DOCK3: variants seen among roughly 807,000 people sequenced by gnomAD.
DOCK3 encodes dedicator of cytokinesis protein 3.
In DOCK3, 60 loss-of-function variants were observed where a neutral mutation model predicts 265.6. That is an observed-to-expected ratio of 0.23 (90% CI 0.18 to 0.28). DOCK3 has a LOEUF of 0.28. Among genes scored for constraint, DOCK3 ranks in the 10% least tolerant of loss-of-function variants. DOCK3 has a pLI of 1.00. For missense variants in DOCK3, 1,981 were observed against 2,594.3 expected (o/e 0.76, Z 5.14); for synonymous variants, 881 against 938.0 (o/e 0.94, Z 1.11).
intron 1 of DOCK3, among the ~76,000 whole-genome samples, chr3:50,775,236 G>C (rs1390627841): frequency 2.6e-5 from 4 of 152,062 alleles, no homozygotes; most frequent in Admixed American, 6.6e-5. Context: ...CACTGATAAA[G>C]TCATCAGGAC....
intron 39 of DOCK3, among the ~76,000 whole-genome samples, 156 bp downstream of exon 39, chr3:51,349,094 A>G (rs558605006): frequency 6.6e-6 from 1 of 152,258 alleles, no homozygotes; most frequent in East Asian, 1.9e-4. Flanking sequence ...TCTGACTAGG[A>G]AACCAAAAAT....
intron 14 of DOCK3, among the ~76,000 whole-genome samples, chr3:51,220,581 C>T (rs923387102): frequency 1.3e-5 from 2 of 149,850 alleles, no homozygotes; most frequent in African/African-American, 2.5e-5. Context: ...CGCTTGAACC[C>T]GGTAGGTGGA....
chr3:51,025,719 C>T (rs1010209163), intron 5 of DOCK3, among the ~76,000 whole-genome samples: 4 of 152,226 alleles, frequency 2.6e-5, no homozygotes, highest in South Asian at 2.1e-4. Context: ...CCCAAGGGCT[C>T]CTGTGAGATA....
chr3:51,288,885 GGTGTGTGTGTGT>G (rs776856235), intron 27 of DOCK3, among the ~76,000 whole-genome samples: 5 of 147,074 alleles, frequency 3.4e-5, no homozygotes, highest in East Asian at 2.0e-4. Flanking sequence ...TGTTTGTGTG[GGTGTGTGTGTGT>G]GTGTGGGTGT....
intron 2 of DOCK3, among the ~76,000 whole-genome samples, chr3:50,816,871 A>G (rs1276777525): frequency 6.6e-6 from 1 of 152,050 alleles, no homozygotes; most frequent in Non-Finnish European, 1.5e-5. Context: ...GCGTGATCAC[A>G]GCTCACTGCA....
chr3:50,959,618 C>T (rs561472173), intron 5 of DOCK3, among the ~76,000 whole-genome samples: 9 of 151,780 alleles, frequency 5.9e-5, no homozygotes, highest in South Asian at 2.1e-4. Flanking sequence ...CTCACTCTGT[C>T]GCCCAGGCTG....
rs148495653 is a variant in DOCK3, at chr3:51,011,871, G to A, written c.316-52577G>A. Among the ~76,000 whole-genome samples the A allele has an allele frequency of 1.6e-3, 246 of 152,254 alleles. 1 individual carries two copies. The highest frequency in any genetic ancestry group is 6.6e-3 in the South Asian group (32 of 4,824). On this transcript the variant is annotated intron_variant, in intron 5 of 52. Transcript: ENST00000266037. ...AGGTTCCTGAGCTGCAGGTCAGTTGGAGTTTGCTGGAGGTCCACTCCAGAT... is the reference window on the plus strand; with the variant it reads ...AGGTTCCTGAGCTGCAGGTCAGTTGAAGTTTGCTGGAGGTCCACTCCAGAT...
intron 22 of DOCK3, among the ~76,000 whole-genome samples, chr3:51,248,328 A>G (rs528515310): frequency 4.6e-4 from 70 of 152,348 alleles, no homozygotes; most frequent in African/African-American, 1.6e-3. Context: ...GAGTGCCTGC[A>G]ATTGCAGGCG....
intron 38 of DOCK3, among the ~76,000 whole-genome samples, chr3:51,345,074 G>A (rs1560473513): frequency 1.3e-5 from 2 of 152,198 alleles, no homozygotes; most frequent in African/African-American, 4.8e-5. Context: ...AGTCTCCCAT[G>A]GATTGGCTCT....
chr3:50,875,479 A>G (rs1575419762), intron 3 of DOCK3, among the ~76,000 whole-genome samples: 2 of 152,112 alleles, frequency 1.3e-5, no homozygotes, highest in African/African-American at 4.8e-5. Flanking sequence ...AATTCCTTCC[A>G]TACCCAGTTT....
intron 49 of DOCK3, among the ~76,000 whole-genome samples, chr3:51,368,901 G>A (rs928892443): frequency 3.3e-5 from 5 of 152,146 alleles, no homozygotes; most frequent in Non-Finnish European, 4.4e-5. Context: ...GTTCTGCAGC[G>A]TCCACTGTTG....
At chr3:51,283,625 T>C (rs1001695285) in intron 27 of DOCK3, among the ~76,000 whole-genome samples, 1 of 152,174 alleles carries the variant, frequency 6.6e-6, no homozygotes, top group Admixed American at 6.5e-5. Context: ...AGCTTGCTGC[T>C]AGCCTGAGCA....
At chr3:51,360,014 A>G (rs112531720) in intron 46 of DOCK3, among the ~76,000 whole-genome samples, 1 of 152,220 alleles carries the variant, frequency 6.6e-6, no homozygotes, top group Non-Finnish European at 1.5e-5. Context: ...AGTTACATAC[A>G]TCAGGATTTT....
chr3:51,162,075 A>C (rs1460851620), intron 12 of DOCK3, among the ~76,000 whole-genome samples: 1 of 152,256 alleles, frequency 6.6e-6, no homozygotes, highest in Non-Finnish European at 1.5e-5. Context: ...GAGTTTAGTA[A>C]GTTTTTAAAG....
chr3:51,291,002 G>C (rs545912535), intron 27 of DOCK3, among the ~76,000 whole-genome samples: 1 of 152,288 alleles, frequency 6.6e-6, no homozygotes, highest in South Asian at 2.1e-4. Flanking sequence ...GTTTGAACCC[G>C]GGAGGTGGAG....
intron 9 of DOCK3, among the ~76,000 whole-genome samples, chr3:51,119,850 T>C (rs2083930826): frequency 6.6e-6 from 1 of 152,040 alleles, no homozygotes; most frequent in South Asian, 2.1e-4. Flanking sequence ...GTTATTGTAG[T>C]TAGCAATTCC....
At chr3:51,155,578 A>G (rs2085807664) in intron 10 of DOCK3, among the ~76,000 whole-genome samples, 1 of 152,242 alleles carries the variant, frequency 6.6e-6, no homozygotes, top group South Asian at 2.1e-4. Flanking sequence ...AAAGGGAATC[A>G]TACAAACTGA....
intron 1 of DOCK3, among the ~76,000 whole-genome samples, chr3:50,697,980 A>C (rs190533058): frequency 5.9e-5 from 9 of 152,260 alleles, no homozygotes; most frequent in East Asian, 5.8e-4. Context: ...TCTTTTGCTT[A>C]CTATTTTTCT....
chr3:50,683,603 C>T (rs2034564102), intron 1 of DOCK3, among the ~76,000 whole-genome samples: 1 of 152,110 alleles, frequency 6.6e-6, no homozygotes, highest in Admixed American at 6.6e-5. Context: ...TTAGGATGGG[C>T]TCCTTAGCCT....
Sources: allele counts gnomAD v4.1 joint callset (sites outside exome capture counted in the v4.1 genomes callset), GRCh38; gene constraint gnomAD v4.1.1; transcripts MANE v1.5; gene names NCBI Gene and HGNC (gene_info 2026-07-23, HGNC 2026-07-21).